Variants in VPS37A observed in about 807,000 individuals in gnomAD.
The protein encoded by VPS37A is VPS37A subunit of ESCRT-I.
VPS37A carries 30 observed loss-of-function variants against 49.8 expected under a neutral mutation model. That is an observed-to-expected ratio of 0.60 (90% CI 0.45 to 0.82). The LOEUF (loss-of-function observed/expected upper bound fraction) is 0.82, where lower values mean the gene tolerates loss of function less well. Among genes scored for constraint, VPS37A ranks in the 40% least tolerant of loss-of-function variants. The probability of loss-of-function intolerance (pLI) is 0.00; values close to 1 mark genes in which losing one functional copy is unlikely to be tolerated. For synonymous variants in VPS37A, 195 were observed against 160.6 expected (o/e 1.21, Z -1.62); for missense variants, 593 against 464.4 (o/e 1.28, Z -2.55).
chr8:17,324,169 G>C, the VPS37A span, among the ~76,000 whole-genome samples: 1 of 152,216 alleles, frequency 6.6e-6, no homozygotes, highest in South Asian at 2.1e-4. Flanking sequence ...TCTGCTCTAG[G>C]TCAAAATTGG....
At chr8:17,251,659 C>T (rs79130853) in intron 1 of VPS37A, among the ~76,000 whole-genome samples, 8,753 of 152,264 alleles carry the variant, frequency 0.057, 283 homozygotes, top group Middle Eastern at 0.11. Context: ...TAAAATTAGG[C>T]ATGATGCAGG....
the VPS37A span, among the ~76,000 whole-genome samples, chr8:17,312,426 T>G: frequency 6.6e-6 from 1 of 151,904 alleles, no homozygotes; most frequent in Admixed American, 6.6e-5. Flanking sequence ...AATACAAAAA[T>G]TAGCCAGGCA....
intron 6 of VPS37A, among the ~76,000 whole-genome samples, chr8:17,277,677 C>T (rs1010295513): frequency 1.3e-5 from 2 of 151,986 alleles, no homozygotes; most frequent in African/African-American, 2.4e-5. Flanking sequence ...CATCATCATA[C>T]CTAACACAAT....
intron 6 of VPS37A, among the ~76,000 whole-genome samples, chr8:17,278,934 G>A (rs957325622): frequency 4.0e-5 from 6 of 151,774 alleles, no homozygotes; most frequent in African/African-American, 1.2e-4. Context: ...ACTAAGATAC[G>A]TTCAGAAAAG....
chr8:17,312,978 C>G, the VPS37A span, among the ~76,000 whole-genome samples: 2 of 152,302 alleles, frequency 1.3e-5, no homozygotes, highest in East Asian at 3.9e-4. Flanking sequence ...CCCCAAGCCC[C>G]ATCACTGAAG....
intron 9 of VPS37A, among the ~76,000 whole-genome samples, chr8:17,281,230 C>A (rs945818875): frequency 6.6e-6 from 1 of 151,980 alleles, no homozygotes; most frequent in Non-Finnish European, 1.5e-5. Flanking sequence ...ACACCAAATC[C>A]TATGAAATAG....
Position 17,280,105 on chromosome 8 carries a change from A to G in VPS37A, c.791A>G (p.Gln264Arg), listed in dbSNP as rs1164015467. 21 of 1,612,872 alleles carry G rather than the reference A, an allele frequency of 1.3e-5. No individual in the cohort carries two copies. Among genetic ancestry groups the G allele is most frequent in the Non-Finnish European group, 1.8e-5 (21 of 1,179,346 alleles). The change falls in exon 7 of 12, where the codon CAA becomes CGA. Residue 264 changes from glutamine (Q) to arginine (R), a missense_variant. Coordinates refer to ENST00000324849, the MANE Select transcript of VPS37A (RefSeq NM_152415.3). ...EQFLTLPQLK[Q>R]IITDKDDLVK... ...TTTCTGACTTTGCCTCAACTAAAAC[A>G]AATTATTACCGACAAAGATGACTTA...
chr8:17,311,917 C>G, the VPS37A span: 1 of 317,084 alleles, frequency 3.2e-6, no homozygotes, highest in Non-Finnish European at 5.9e-6. Context: ...CCTATGCAAA[C>G]GGACCTTCAA....
the VPS37A span, chr8:17,331,098 G>T: frequency 6.4e-7 from 1 of 1,563,224 alleles, no homozygotes; most frequent in Non-Finnish European, 8.6e-7. Flanking sequence ...TTCCCTTTTG[G>T]CATCAAAATA....
chr8:17,301,178 G>C (rs912912333), downstream of VPS37A, among the ~76,000 whole-genome samples: 4 of 152,362 alleles, frequency 2.6e-5, no homozygotes, highest in Admixed American at 6.5e-5. Context: ...GTGAGGAAAA[G>C]AGATAGATAA....
At chr8:17,328,795 CTA>C in the VPS37A span, among the ~76,000 whole-genome samples, 1 of 152,184 alleles carries the variant, frequency 6.6e-6, no homozygotes, top group Admixed American at 6.5e-5. Context: ...AAAAGGGAAA[CTA>C]TCGTGAAAAT....
chr8:17,299,304 T>TA (rs1816943767), downstream of VPS37A: 1 of 152,468 alleles, frequency 6.6e-6, no homozygotes, highest in African/African-American at 2.4e-5. Flanking sequence ...AAGGAAAAGT[T>TA]AAAGTGATGA....
chr8:17,300,109 G>T (rs762156336), downstream of VPS37A: 51 of 1,614,014 alleles, frequency 3.2e-5, no homozygotes, highest in Non-Finnish European at 2.4e-5. Context: ...GTAATCCTGG[G>T]GAGTGTTGGC....
chr8:17,269,033 A>G (rs1047092224), intron 4 of VPS37A, 77 bp downstream of exon 4: 2 of 1,059,294 alleles, frequency 1.9e-6, no homozygotes, highest in Non-Finnish European at 2.7e-6. Context: ...AAAAATTCAA[A>G]TGATGTTAAA....
At chr8:17,301,305 G>A (rs115183602), downstream of VPS37A, among the ~76,000 whole-genome samples, 596 of 152,296 alleles carry the variant, frequency 3.9e-3, 5 homozygotes, top group African/African-American at 0.013. Flanking sequence ...GGTAAGGTTA[G>A]AAGGAAAAGA....
At chr8:17,317,059 T>C in the VPS37A span, among the ~76,000 whole-genome samples, 10 of 152,244 alleles carry the variant, frequency 6.6e-5, no homozygotes, top group South Asian at 6.2e-4. Context: ...TCTCTAAGAA[T>C]ATTAATGGCA....
chr8:17,286,241 T>TAA, intron 10 of VPS37A, 106 bp from the exon 11 acceptor site: 1 of 864,660 alleles, frequency 1.2e-6, no homozygotes, highest in Non-Finnish European at 1.8e-6. Context: ...ATTCAAAACA[T>TAA]AAAATAATGC....
At chr8:17,268,020 A>C (rs112323881) in intron 2 of VPS37A, among the ~76,000 whole-genome samples, 24 of 152,334 alleles carry the variant, frequency 1.6e-4, no homozygotes, top group African/African-American at 5.5e-4. Flanking sequence ...AATATTCTAT[A>C]ATTCATGTCC....
At chr8:17,274,090 T>C (rs1432459688) in intron 4 of VPS37A, among the ~76,000 whole-genome samples, 1 of 152,166 alleles carries the variant, frequency 6.6e-6, no homozygotes, top group Non-Finnish European at 1.5e-5. Context: ...TAAAATTTGC[T>C]AAGGGGAAAA....
Sources: allele counts gnomAD v4.1 joint callset (sites outside exome capture counted in the v4.1 genomes callset), GRCh38; gene constraint gnomAD v4.1.1; transcripts MANE v1.5; gene names NCBI Gene and HGNC (gene_info 2026-07-23, HGNC 2026-07-21).